Variants in C10orf90 observed in about 807,000 individuals in gnomAD.
C10orf90 encodes chromosome 10 open reading frame 90, also known as (E2-independent) E3 ubiquitin-conjugating enzyme FATS.
In C10orf90, 56 loss-of-function variants were observed where a neutral mutation model predicts 62.5. The ratio of observed to expected loss-of-function variants is 0.90; its 90% CI spans 0.72 to 1.12. C10orf90 has a LOEUF of 1.12. C10orf90 is among the 50% of genes most tolerant of loss of function. C10orf90 has a pLI of 0.00. For synonymous variants in C10orf90, 386 were observed against 340.4 expected, an observed-to-expected ratio of 1.13 and a Z score of -1.47; for missense variants, 970 against 880.4, an observed-to-expected ratio of 1.10 and a Z score of -1.29.
intron 7 of C10orf90, among the ~76,000 whole-genome samples, chr10:126,437,953 T>A (rs1858029069): frequency 6.6e-6 from 1 of 152,242 alleles, no homozygotes; most frequent in Non-Finnish European, 1.5e-5. Flanking sequence ...ATAATTGGTA[T>A]GGATGAGACT....
At position 126,557,309 on chromosome 10, in the gene C10orf90, G is replaced by A. The variant is rs555370471; in HGVS notation, c.314-43370C>T. Among the ~76,000 whole-genome samples, 11 of 151,922 alleles carry A rather than the reference G, an allele frequency of 7.2e-5. No homozygotes were observed. In the East Asian group the frequency reaches 7.8e-4, roughly 11 times the overall value. The stretch of plus-strand genomic sequence containing the variant: ...ATCCTGGCTAACACGGTGAAATCCC[G>A]TCTCTACTAAAAATACAAAAAATTA... On this transcript the variant is annotated intron_variant, in intron 2 of 9. Coordinates refer to ENST00000488181, the MANE Select transcript of C10orf90 (RefSeq NM_001350921.2).
At chr10:126,512,458 A>G (rs1235328581) in intron 3 of C10orf90, among the ~76,000 whole-genome samples, 2 of 151,772 alleles carry the variant, frequency 1.3e-5, no homozygotes, top group African/African-American at 4.8e-5. Flanking sequence ...CATAGCCACA[A>G]ACATTGACAT....
At chr10:126,501,486 T>A (rs988579170) in intron 4 of C10orf90, among the ~76,000 whole-genome samples, 5 of 152,190 alleles carry the variant, frequency 3.3e-5, no homozygotes, top group African/African-American at 9.7e-5. Context: ...ACTTTGCAAC[T>A]GAGGGGTCCA....
intron 2 of C10orf90, among the ~76,000 whole-genome samples, chr10:126,592,582 T>A (rs1304295752): frequency 6.6e-6 from 1 of 152,090 alleles, no homozygotes; most frequent in African/African-American, 2.4e-5. Context: ...CCCTAAACTG[T>A]AAAAACCCTA....
chr10:126,574,615 A>C (rs1297119491), intron 2 of C10orf90, among the ~76,000 whole-genome samples: 1 of 152,124 alleles, frequency 6.6e-6, no homozygotes, highest in Non-Finnish European at 1.5e-5. Flanking sequence ...GCTTAACAAT[A>C]AATCAATCAA....
intron 2 of C10orf90, among the ~76,000 whole-genome samples, chr10:126,571,479 C>T (rs1329075170): frequency 6.6e-6 from 1 of 152,172 alleles, no homozygotes; most frequent in Non-Finnish European, 1.5e-5. Context: ...TGTTGCTCTG[C>T]CACTGGGAAG....
chr10:126,500,071 C>A (rs1165214959), intron 4 of C10orf90, among the ~76,000 whole-genome samples: 7 of 152,154 alleles, frequency 4.6e-5, no homozygotes, highest in African/African-American at 9.7e-5. Context: ...GATTTCTGAG[C>A]CAATACATTT....
At chr10:126,482,010 C>A (rs956519146) in intron 4 of C10orf90, among the ~76,000 whole-genome samples, 1 of 152,170 alleles carries the variant, frequency 6.6e-6, no homozygotes, top group African/African-American at 2.4e-5. Context: ...AACAGACAGT[C>A]CTTACTAGGT....
chr10:126,579,258 T>G (rs1206934880), intron 2 of C10orf90, among the ~76,000 whole-genome samples: 1 of 81,382 alleles, frequency 1.2e-5, no homozygotes, highest in Non-Finnish European at 2.3e-5. Flanking sequence ...AATCTATATT[T>G]CTTTCTTTCT....
chr10:126,655,264 G>A (rs1846370618), intron 1 of C10orf90, among the ~76,000 whole-genome samples: 1 of 152,080 alleles, frequency 6.6e-6, no homozygotes, highest in African/African-American at 2.4e-5. Flanking sequence ...GTGGCAGTGG[G>A]CCGAGATCGT....
intron 3 of C10orf90, among the ~76,000 whole-genome samples, chr10:126,511,740 C>T (rs1277676200): frequency 1.3e-5 from 2 of 152,126 alleles, no homozygotes; most frequent in East Asian, 3.9e-4. Context: ...ATATGCATCA[C>T]AGTCTTATGT....
chr10:126,583,633 G>C (rs1278178700), intron 2 of C10orf90, among the ~76,000 whole-genome samples: 2 of 152,150 alleles, frequency 1.3e-5, no homozygotes, highest in African/African-American at 4.8e-5. Context: ...GTCTGGGACT[G>C]TGGGACCTGC....
intron 8 of C10orf90, among the ~76,000 whole-genome samples, chr10:126,427,399 C>T (rs1857324812): frequency 6.6e-6 from 1 of 152,128 alleles, no homozygotes; most frequent in Non-Finnish European, 1.5e-5. Flanking sequence ...TAGGTGTCAA[C>T]TTGATTGAAT....
At position 126,464,805 on chromosome 10, in the gene C10orf90, G is replaced by T; in HGVS notation, c.1716C>A (p.Ser572Arg). Residue 572 changes from serine to arginine, a missense_variant, in exon 5 of 10, where the codon AGC becomes AGA. Physicochemically the swap from Ser to Arg is moderately radical, Grantham distance 110. Transcript: ENST00000488181. ...GAAAAAGGATTCTGGGTTTCAGGAA[G>T]CTTTGATGTCGTCTCTCTGTGGGCT... ...LSEPTERRHQ[S>R]FLKPRILFPG... 6.2e-7 allele frequency: 1 copy of T among 1,614,102 alleles called. No homozygotes were observed. The highest frequency in any genetic ancestry group is 8.5e-7 in the Non-Finnish European group (1 of 1,180,022).
intron 2 of C10orf90, among the ~76,000 whole-genome samples, chr10:126,619,500 A>C (rs1295860316): frequency 6.6e-6 from 1 of 152,194 alleles, no homozygotes; most frequent in Non-Finnish European, 1.5e-5. Context: ...TAACTCATCA[A>C]AGTTTTAATT....
intron 7 of C10orf90, among the ~76,000 whole-genome samples, chr10:126,451,217 G>T (rs1010884210): frequency 6.6e-6 from 1 of 152,164 alleles, no homozygotes. Context: ...GGAGAAAAGA[G>T]AACACTTGCA....
chr10:126,604,516 A>C (rs1845266402), intron 2 of C10orf90, among the ~76,000 whole-genome samples: 1 of 152,234 alleles, frequency 6.6e-6, no homozygotes, highest in African/African-American at 2.4e-5. Flanking sequence ...CAGCTCTGCT[A>C]TTCAAGGCAG....
chr10:126,648,630 A>G (rs572723253), intron 1 of C10orf90, among the ~76,000 whole-genome samples: 1 of 152,388 alleles, frequency 6.6e-6, no homozygotes, highest in African/African-American at 2.4e-5. Context: ...ATGCTGTAAC[A>G]TTGTATATGG....
At chr10:126,532,746 A>G (rs1192144931) in intron 2 of C10orf90, among the ~76,000 whole-genome samples, 3 of 145,962 alleles carry the variant, frequency 2.1e-5, no homozygotes, top group Non-Finnish European at 4.5e-5. Flanking sequence ...GTGAGGCAGG[A>G]GAATGGCGTG....
Sources: gnomAD v4.1 joint callset for allele counts (sites outside exome capture counted in the v4.1 genomes callset) on GRCh38, gnomAD v4.1.1 for gene constraint, MANE v1.5 for transcripts, NCBI Gene and HGNC (gene_info 2026-07-23, HGNC 2026-07-21) for gene names.